Variants in DIAPH1 observed in about 807,000 individuals in gnomAD.
DIAPH1 encodes protein diaphanous homolog 1.
In DIAPH1, 46 loss-of-function variants were observed where a neutral mutation model predicts 140.7. The ratio of observed to expected loss-of-function variants is 0.33; its 90% CI spans 0.26 to 0.42. DIAPH1 has a LOEUF of 0.42. DIAPH1 is among the 10% of genes least tolerant of loss of function. The pLI is 1.00. For synonymous variants in DIAPH1, 565 were observed against 551.6 expected (o/e 1.02, Z -0.34); for missense variants, 1,310 against 1,558.7 (o/e 0.84, Z 2.69).
intron 18 of DIAPH1, among the ~76,000 whole-genome samples, chr5:141,550,819 G>A (rs537969248): frequency 1.7e-4 from 26 of 152,224 alleles, no homozygotes; most frequent in African/African-American, 6.3e-4. Flanking sequence ...TGCTTGAGAG[G>A]ATTGCCCTGC....
At chr5:141,591,709 T>TAA (rs2099898471) in intron 1 of DIAPH1, among the ~76,000 whole-genome samples, 10 of 80,832 alleles carry the variant, frequency 1.2e-4, no homozygotes, top group African/African-American at 4.7e-4. Flanking sequence ...TATATATATA[T>TAA]ATATATATAT....
chr5:141,545,116 T>C (rs1017508799), intron 18 of DIAPH1, among the ~76,000 whole-genome samples: 2 of 152,154 alleles, frequency 1.3e-5, no homozygotes, highest in Non-Finnish European at 2.9e-5. Flanking sequence ...AAGACACAAC[T>C]GTCAGAAAAT....
In DIAPH1 at chr5:141,582,051, C is replaced by T. The variant is rs184305293; in HGVS notation, c.684+261G>A. 7.6e-5 allele frequency: 26 copies of T among 342,468 alleles called. No homozygotes were observed. In the Admixed American group the frequency reaches 1.2e-3, roughly 15 times the overall value. The allele number at this position is 342,468 out of a possible 1,614,324, so 21.2% of individuals were successfully genotyped here. ...CTCCAGCCTGGGCAACAGAGCGAGA[C>T]TCCATCTCAAAAAAAAAAAAAAAAA... is the stretch of plus-strand genomic sequence containing the variant. On this transcript the variant is annotated intron_variant, in intron 7 of 27. Coordinates refer to ENST00000389054, the MANE Select transcript of DIAPH1 (RefSeq NM_005219.5).
At chr5:141,613,388 C>T (rs1210147385) in intron 1 of DIAPH1, among the ~76,000 whole-genome samples, 1 of 152,150 alleles carries the variant, frequency 6.6e-6, no homozygotes, top group Admixed American at 6.6e-5. Context: ...TAATCTCTTT[C>T]TACTACTCCA....
intron 6 of DIAPH1, among the ~76,000 whole-genome samples, chr5:141,582,691 C>T (rs2099896950): frequency 6.6e-6 from 1 of 152,176 alleles, no homozygotes; most frequent in Non-Finnish European, 1.5e-5. Flanking sequence ...TGCCTTGCTA[C>T]TAGAGGTTTC....
chr5:141,539,430 G>GTTTTTTTTTTTTTTTTTTTTTT (rs374210300), intron 18 of DIAPH1, among the ~76,000 whole-genome samples: 1 of 131,846 alleles, frequency 7.6e-6, no homozygotes. Context: ...TTTTTTTTTT[G>GTTTTTTTTTTTTTTTTTTTTTT]TTTTTTTTTT....
rs1346841969 is a variant in DIAPH1, at chr5:141,573,634, G to A, written c.2216C>T (p.Pro739Leu). ...CATACCCATTCCGGGTGGAGGTGGA[G>A]GAATGCCAGGGCCTCCGGGAAATGG... ...PPPFPGGPGI[P>L]PPPPGMGMPP... The change falls in exon 16 of 28, where the codon CCT becomes CTT. Residue 739 changes from proline to leucine, a missense_variant. Physicochemically the swap from Pro to Leu is moderately conservative, Grantham distance 98. Transcript: ENST00000389054. 2 of 1,613,648 alleles carry A rather than the reference G, an allele frequency of 1.2e-6. No individual in the cohort carries two copies. Among genetic ancestry groups the A allele is most frequent in the Non-Finnish European group, 1.7e-6 (2 of 1,179,902 alleles).
At chr5:141,566,942 G>A (rs2099894474) in intron 18 of DIAPH1, among the ~76,000 whole-genome samples, 1 of 129,156 alleles carries the variant, frequency 7.7e-6, no homozygotes. Context: ...ACATAAGCAA[G>A]CAAAAGGGAA....
intron 2 of DIAPH1, 96 bp downstream of exon 2, chr5:141,588,128 C>T: frequency 3.9e-6 from 4 of 1,023,492 alleles, no homozygotes; most frequent in East Asian, 2.4e-5. Flanking sequence ...CATATCACCA[C>T]TATAAGTTAC....
intron 1 of DIAPH1, among the ~76,000 whole-genome samples, chr5:141,610,155 T>C (rs1440487619): frequency 1.3e-5 from 2 of 152,080 alleles, no homozygotes; most frequent in Non-Finnish European, 2.9e-5. Context: ...TTCTTTTTTT[T>C]CTGAGTTGGA....
intron 7 of DIAPH1, among the ~76,000 whole-genome samples, chr5:141,581,128 T>C (rs1005782175): frequency 2.0e-5 from 3 of 152,126 alleles, no homozygotes; most frequent in Non-Finnish European, 4.4e-5. Flanking sequence ...AGTGTCCTTA[T>C]AAAAAGAGGA....
At chr5:141,576,717 A>G (rs537911163) in intron 13 of DIAPH1, 39 bp downstream of exon 13, 2 of 1,292,744 alleles carry the variant, frequency 1.5e-6, no homozygotes, top group South Asian at 1.2e-5. Context: ...GAAAGGAAGA[A>G]GCAATACTTG....
At chr5:141,605,821 C>T (rs1420832660) in intron 1 of DIAPH1, among the ~76,000 whole-genome samples, 1 of 152,106 alleles carries the variant, frequency 6.6e-6, no homozygotes, top group African/African-American at 2.4e-5. Flanking sequence ...AATACATATC[C>T]TACAGTGGCT....
chr5:141,578,183 T>C (rs1444940924), intron 11 of DIAPH1, 42 bp downstream of exon 11: 5 of 1,416,306 alleles, frequency 3.5e-6, no homozygotes, highest in Non-Finnish European at 5.0e-6. Flanking sequence ...CTAAATACAA[T>C]GAATGTCTCA....
chr5:141,560,220 T>C (rs997024160), intron 18 of DIAPH1, among the ~76,000 whole-genome samples: 1 of 152,228 alleles, frequency 6.6e-6, no homozygotes, highest in African/African-American at 2.4e-5. Context: ...CATCTCATTT[T>C]TTCCCCTGAA....
chr5:141,580,089 G>A (rs908570856), intron 8 of DIAPH1, among the ~76,000 whole-genome samples: 1 of 152,070 alleles, frequency 6.6e-6, no homozygotes, highest in Non-Finnish European at 1.5e-5. Flanking sequence ...TACCGACATA[G>A]AAGAAATGTC....
intron 26 of DIAPH1, 142 bp downstream of exon 26, chr5:141,525,896 G>A: frequency 1.5e-6 from 2 of 1,315,430 alleles, no homozygotes; most frequent in Non-Finnish European, 2.2e-6. Flanking sequence ...TTAAAGTCCG[G>A]CATCAGGATC....
At chr5:141,533,458 T>C (rs990051829) in intron 19 of DIAPH1, among the ~76,000 whole-genome samples, 3 of 152,226 alleles carry the variant, frequency 2.0e-5, no homozygotes, top group African/African-American at 7.2e-5. Context: ...CTGGAGTTAC[T>C]GATCCTACTC....
chr5:141,595,643 G>A (rs902295860), intron 1 of DIAPH1, among the ~76,000 whole-genome samples: 3 of 152,180 alleles, frequency 2.0e-5, no homozygotes, highest in Non-Finnish European at 4.4e-5. Context: ...AGCAGAAGGT[G>A]CCTGCTTCTC....
Sources: allele counts gnomAD v4.1 joint callset (sites outside exome capture counted in the v4.1 genomes callset), GRCh38; gene constraint gnomAD v4.1.1; transcripts MANE v1.5; gene names NCBI Gene and HGNC (gene_info 2026-07-23, HGNC 2026-07-21).